The following MAP4 variants were observed in gnomAD, a reference collection of about 807,000 sequenced individuals.
MAP4 encodes microtubule-associated protein 4.
In MAP4, 76 loss-of-function variants were observed where a neutral mutation model predicts 170.2. That is an observed-to-expected ratio of 0.45 (90% CI 0.37 to 0.54). The LOEUF (loss-of-function observed/expected upper bound fraction) is 0.54, where lower values mean the gene tolerates loss of function less well. MAP4 is among the 20% of genes least tolerant of loss of function. The probability of loss-of-function intolerance (pLI) is 0.00; values close to 1 mark genes in which losing one functional copy is unlikely to be tolerated. For missense variants in MAP4, 2,506 were observed against 2,748.0 expected (o/e 0.91, Z 1.97); for synonymous variants, 909 against 994.5 (o/e 0.91, Z 1.62).
chr3:47,921,477 G>A (rs1408216885), intron 5 of MAP4, among the ~76,000 whole-genome samples: 4 of 151,910 alleles, frequency 2.6e-5, no homozygotes, highest in Middle Eastern at 3.4e-3. Context: ...CACAATTTGC[G>A]GCCCCTAGAG....
chr3:48,030,978 T>TAG (rs1408982900), intron 1 of MAP4, among the ~76,000 whole-genome samples: 1 of 151,770 alleles, frequency 6.6e-6, no homozygotes, highest in Non-Finnish European at 1.5e-5. Context: ...TTCCAAGAGG[T>TAG]AGAACATAAC....
intron 19 of MAP4, among the ~76,000 whole-genome samples, chr3:47,854,527 G>A (rs1264268326): frequency 3.9e-5 from 6 of 152,344 alleles, no homozygotes; most frequent in South Asian, 2.1e-4. Context: ...CCTTGTGCTC[G>A]GGGTCTGCAA....
At chr3:47,980,385 A>G (rs1411205457) in intron 2 of MAP4, among the ~76,000 whole-genome samples, 1 of 152,222 alleles carries the variant, frequency 6.6e-6, no homozygotes, top group Non-Finnish European at 1.5e-5. Context: ...TCCTAAGACA[A>G]TAAGTGAATA....
In MAP4 at chr3:48,071,562, AAG is replaced by A. The variant is rs538588558; in HGVS notation, c.-20+17209_-20+17210del. Among the ~76,000 whole-genome samples the A allele has an allele frequency of 3.4e-3, 519 of 152,256 alleles. 3 individuals are homozygous for A. Among genetic ancestry groups the A allele is most frequent in the Middle Eastern group, 0.01 (3 of 294 alleles). ...GAGACCCATCTCAAGAAAAAAAGAAAAGAGAAAAAATCTGAACACAGAATTAA... is the reference window on the plus strand; with the variant it reads ...GAGACCCATCTCAAGAAAAAAAGAAAAGAAAAAATCTGAACACAGAATTAA... On this transcript the variant is annotated intron_variant, in intron 1 of 18. Transcript: ENST00000360240.
intron 10 of MAP4, among the ~76,000 whole-genome samples, chr3:47,880,259 ATTTT>A (rs35700801): frequency 2.8e-5 from 3 of 106,378 alleles, no homozygotes; most frequent in South Asian, 3.0e-4. Flanking sequence ...CACCTGGCTA[ATTTT>A]TTTTTTTTTT....
intron 5 of MAP4, among the ~76,000 whole-genome samples, 197 bp from the exon 6 acceptor site, chr3:47,919,038 T>C (rs1434162732): frequency 2.0e-5 from 3 of 152,092 alleles, no homozygotes; most frequent in African/African-American, 7.2e-5. Context: ...TTCACGCCAT[T>C]CTCCTGCCTC....
intron 3 of MAP4, among the ~76,000 whole-genome samples, chr3:47,929,502 C>T (rs1010336893): frequency 6.6e-6 from 1 of 151,510 alleles, no homozygotes; most frequent in African/African-American, 2.4e-5. Flanking sequence ...TTATATTCAA[C>T]CCAGAAACAA....
intron 1 of MAP4, among the ~76,000 whole-genome samples, chr3:48,026,567 T>C (rs1239048439): frequency 1.3e-5 from 2 of 152,222 alleles, no homozygotes; most frequent in Non-Finnish European, 2.9e-5. Flanking sequence ...TTTAAGATTT[T>C]TCTAGAAGAA....
intron 10 of MAP4, among the ~76,000 whole-genome samples, chr3:47,882,088 G>T (rs2096859513): frequency 6.6e-6 from 1 of 152,190 alleles, no homozygotes; most frequent in African/African-American, 2.4e-5. Context: ...AGATCAGCCT[G>T]GCCAACAGGG....
rs1377351297 is a variant in MAP4 at position 47,973,454 on chromosome 3, C to A, written c.292+4411G>T. On this transcript the variant is annotated intron_variant, in intron 3 of 20. Transcript: ENST00000683076. ...AAACTATATGTGAAACATAAAATTT[C>A]TTTCTTTCAAAATGAAACGTCCAAG... 6.1e-6 allele frequency: 6 copies of A among 984,962 alleles called. No homozygotes were observed. The African/African-American group carries it at 8.7e-5, about 14-fold the overall frequency. The allele number at this position is 984,962 out of a possible 1,614,324, so 61.0% of individuals were successfully genotyped here. A position where few individuals can be genotyped will look rare whatever the true frequency, so the allele number is the denominator to read the frequency against.
intron 3 of MAP4, among the ~76,000 whole-genome samples, chr3:47,955,797 A>G (rs1456782478): frequency 6.6e-6 from 1 of 152,134 alleles, no homozygotes; most frequent in Non-Finnish European, 1.5e-5. Flanking sequence ...GAGCAAGAAA[A>G]GATTCTATAG....
At chr3:47,861,456 G>A (rs144981726) in intron 17 of MAP4, among the ~76,000 whole-genome samples, 89 of 150,900 alleles carry the variant, frequency 5.9e-4, no homozygotes, top group African/African-American at 1.9e-3. Context: ...TGGTTCAAGC[G>A]ATTCTCCTGC....
Position 47,998,877 on chromosome 3 carries a change from T to G in MAP4, c.-17A>C. 1.9e-6 allele frequency: 3 copies of G among 1,552,700 alleles called. No individual in the cohort carries two copies. Among genetic ancestry groups the G allele is most frequent in the Non-Finnish European group, 2.7e-6 (3 of 1,124,292 alleles). ...GTCAGCCATTCTGCACCACTGCAAC[T>G]GCCTGGTGAAGAGGAAAAAGATCTT... is the stretch of plus-strand genomic sequence containing the variant. On this transcript the variant is annotated splice_region_variant and 5_prime_UTR_variant, in exon 2 of 21. Coordinates refer to ENST00000683076, the MANE Select transcript of MAP4 (RefSeq NM_001385682.1).
chr3:47,942,796 C>T (rs2100057321), intron 3 of MAP4, among the ~76,000 whole-genome samples: 1 of 152,134 alleles, frequency 6.6e-6, no homozygotes, highest in Admixed American at 6.5e-5. Flanking sequence ...GTTCTTTCAA[C>T]TTTTCTATAA....
intron 1 of MAP4, among the ~76,000 whole-genome samples, chr3:48,033,174 G>C (rs1249690151): frequency 2.6e-5 from 4 of 152,224 alleles, no homozygotes; most frequent in Non-Finnish European, 5.9e-5. Context: ...AAATCAGGAA[G>C]CAAGGGGAAA....
chr3:48,045,294 A>C, intron 1 of MAP4, among the ~76,000 whole-genome samples: 1 of 151,498 alleles, frequency 6.6e-6, no homozygotes, highest in Non-Finnish European at 1.5e-5. Flanking sequence ...TTGAAACATT[A>C]AAAACTCTGT....
intron 1 of MAP4, among the ~76,000 whole-genome samples, chr3:48,006,711 G>C (rs2100102521): frequency 6.6e-6 from 1 of 152,206 alleles, no homozygotes; most frequent in Non-Finnish European, 1.5e-5. Context: ...TCAAGGACTT[G>C]AAAGATGCAG....
rs564799389 is a variant in MAP4, at chr3:47,912,472, A to AAAAC, written c.2000-55_2000-52dup. 1,616 of 1,419,230 alleles carry AAAAC rather than the reference A, an allele frequency of 1.1e-3. 7 individuals carry two copies. Among genetic ancestry groups the AAAAC allele is most frequent in the African/African-American group, 8.2e-3 (567 of 69,540 alleles). The allele number at this position is 1,419,230 out of a possible 1,614,324, so 87.9% of individuals were successfully genotyped here. A position where few individuals can be genotyped will look rare whatever the true frequency, so the allele number is the denominator to read the frequency against. On this transcript the variant is annotated intron_variant, in intron 8 of 20. Transcript: ENST00000683076. Reference sequence around the variant, plus strand: ...CGTTATTGTTTCTTAAAAACAACAAAAAACAAACAAACAAACAAAAAAACC... The same window carrying AAAAC: ...CGTTATTGTTTCTTAAAAACAACAAAAAACAAACAAACAAACAAACAAAAAAACC...
chr3:47,913,713 C>T (rs2100037111), intron 8 of MAP4, among the ~76,000 whole-genome samples: 1 of 152,034 alleles, frequency 6.6e-6, no homozygotes, highest in East Asian at 1.9e-4. Context: ...AAAAATCACA[C>T]ATTTATTTAA....
Sources: allele counts gnomAD v4.1 joint callset (sites outside exome capture counted in the v4.1 genomes callset), GRCh38; gene constraint gnomAD v4.1.1; transcripts MANE v1.5; gene names NCBI Gene and HGNC (gene_info 2026-07-23, HGNC 2026-07-21).